PACSIN2: variants seen among roughly 807,000 people sequenced by gnomAD.
The protein encoded by PACSIN2 is protein kinase C and casein kinase substrate in neurons 2, also known as protein kinase C and casein kinase substrate in neurons protein 2.
PACSIN2 carries 25 observed loss-of-function variants against 63.8 expected under a neutral mutation model. The observed-to-expected ratio is 0.39, with a 90% CI of 0.29 to 0.55. The LOEUF is 0.55. Ranked by LOEUF, PACSIN2 falls within the 20% of genes least tolerant of loss-of-function variation. The probability of loss-of-function intolerance (pLI) is 0.62; values close to 1 mark genes in which losing one functional copy is unlikely to be tolerated. For missense variants in PACSIN2, 518 were observed against 646.9 expected, an observed-to-expected ratio of 0.80 and a Z score of 2.16; for synonymous variants, 255 against 256.2, an observed-to-expected ratio of 1.00 and a Z score of 0.05.
chr22:42,980,374 T>C (rs1921998388), intron 1 of PACSIN2, among the ~76,000 whole-genome samples: 1 of 152,036 alleles, frequency 6.6e-6, no homozygotes, highest in Non-Finnish European at 1.5e-5. Flanking sequence ...CACTAGCTTG[T>C]CATGGTCATT....
chr22:42,935,415 A>ACTTC (rs1932888908), intron 1 of PACSIN2, among the ~76,000 whole-genome samples: 2 of 152,106 alleles, frequency 1.3e-5, no homozygotes, highest in African/African-American at 4.8e-5. Flanking sequence ...ACATGTGCGG[A>ACTTC]GACCTACTGT....
intron 1 of PACSIN2, among the ~76,000 whole-genome samples, chr22:42,963,390 T>G (rs772323358): frequency 1.3e-5 from 2 of 152,184 alleles, no homozygotes; most frequent in Non-Finnish European, 2.9e-5. Flanking sequence ...TCAGGCCCCC[T>G]GCAGAGGCGG....
intron 1 of PACSIN2, among the ~76,000 whole-genome samples, chr22:42,941,415 A>G (rs1294322760): frequency 1.3e-5 from 2 of 152,242 alleles, no homozygotes. Flanking sequence ...ACCTAGGAGT[A>G]GAACTGCTGG....
At chr22:43,007,564 C>T (rs1329442383) in intron 1 of PACSIN2, among the ~76,000 whole-genome samples, 5 of 152,178 alleles carry the variant, frequency 3.3e-5, no homozygotes, top group Admixed American at 1.3e-4. Flanking sequence ...TGGTCCTTCA[C>T]GTCAGCCCCA....
chr22:42,970,793 G>A (rs992148036), intron 1 of PACSIN2, among the ~76,000 whole-genome samples: 5 of 152,188 alleles, frequency 3.3e-5, no homozygotes, highest in African/African-American at 9.7e-5. Flanking sequence ...GATGTCACCC[G>A]AGGTGCTCCA....
At chr22:42,945,523 G>T (rs1054055912) in intron 1 of PACSIN2, among the ~76,000 whole-genome samples, 1 of 151,958 alleles carries the variant, frequency 6.6e-6, no homozygotes, top group Admixed American at 6.6e-5. Flanking sequence ...CCTTCCCTAT[G>T]AGCCCACTCC....
At chr22:42,886,411 TGTATGTAG>T (rs1030477092) in intron 5 of PACSIN2, among the ~76,000 whole-genome samples, 44 of 133,030 alleles carry the variant, frequency 3.3e-4, no homozygotes, top group Admixed American at 1.0e-3. Context: ...AGCAATGGTA[TGTATGTAG>T]GTAGGTAGGT....
chr22:42,928,206 A>C (rs1932659060), intron 1 of PACSIN2, among the ~76,000 whole-genome samples: 1 of 152,252 alleles, frequency 6.6e-6, no homozygotes, highest in African/African-American at 2.4e-5. Context: ...GCATAGGAGG[A>C]AAATGGCCCA....
At chr22:42,973,522 T>C (rs1921474710) in intron 1 of PACSIN2, among the ~76,000 whole-genome samples, 1 of 152,284 alleles carries the variant, frequency 6.6e-6, no homozygotes, top group Non-Finnish European at 1.5e-5. Context: ...TTCAAATGTT[T>C]CATTCAATCA....
chr22:43,014,321 TACACACACACACAC>T (rs139728514), intron 1 of PACSIN2, among the ~76,000 whole-genome samples: 2 of 130,450 alleles, frequency 1.5e-5, no homozygotes, highest in Non-Finnish European at 3.3e-5. Context: ...CCCCCCGCCC[TACACACACACACAC>T]ACACACACAC....
At chr22:42,889,398 A>ACACACACACACACACACACACACACACT (rs778420398) in intron 4 of PACSIN2, among the ~76,000 whole-genome samples, 2 of 151,306 alleles carry the variant, frequency 1.3e-5, no homozygotes, top group Admixed American at 6.6e-5. Context: ...ACACACACAC[A>ACACACACACACACACACACACACACACT]CTCTTAACAG....
intron 1 of PACSIN2, among the ~76,000 whole-genome samples, chr22:42,919,947 A>G (rs988003772): frequency 6.6e-6 from 1 of 151,450 alleles, no homozygotes; most frequent in Non-Finnish European, 1.5e-5. Context: ...CTAAAAAAAA[A>G]AAAAAGAAAA....
intron 1 of PACSIN2, among the ~76,000 whole-genome samples, chr22:42,924,979 G>A (rs1255933737): frequency 6.6e-6 from 1 of 151,400 alleles, no homozygotes; most frequent in Non-Finnish European, 1.5e-5. Context: ...GGATGATCTC[G>A]ATCTCCTGAC....
At chr22:42,958,916 A>G (rs1934022236) in intron 1 of PACSIN2, among the ~76,000 whole-genome samples, 1 of 152,242 alleles carries the variant, frequency 6.6e-6, no homozygotes, top group Admixed American at 6.5e-5. Context: ...CACCACAGCA[A>G]TAAAGGGGAG....
chr22:42,895,591 C>T (rs1308511433), intron 2 of PACSIN2, among the ~76,000 whole-genome samples: 6 of 152,240 alleles, frequency 3.9e-5, no homozygotes, highest in Non-Finnish European at 7.3e-5. Context: ...CACCCATCGG[C>T]ACACACAGGA....
intron 10 of PACSIN2, among the ~76,000 whole-genome samples, chr22:42,873,030 A>G (rs1371166971): frequency 2.0e-5 from 3 of 152,288 alleles, no homozygotes; most frequent in East Asian, 1.9e-4. Context: ...CATGTGGCAA[A>G]CAGCCAGAAC....
intron 7 of PACSIN2, among the ~76,000 whole-genome samples, chr22:42,881,807 G>A (rs1341704010): frequency 2.0e-5 from 3 of 152,054 alleles, no homozygotes; most frequent in African/African-American, 7.2e-5. Flanking sequence ...CCACCGTGAG[G>A]GGAGCACTGT....
intron 1 of PACSIN2, among the ~76,000 whole-genome samples, chr22:42,952,419 G>T (rs1463788252): frequency 6.6e-6 from 1 of 151,864 alleles, no homozygotes; most frequent in African/African-American, 2.4e-5. Flanking sequence ...GCAGTGGCAT[G>T]ATCTTGGCTC....
At chr22:42,902,696 C>CTCTG (rs752425747) in intron 2 of PACSIN2, among the ~76,000 whole-genome samples, 2 of 152,218 alleles carry the variant, frequency 1.3e-5, no homozygotes, top group Non-Finnish European at 2.9e-5. Flanking sequence ...TCACCACAAC[C>CTCTG]TCTGCCTCCT....
Sources: gnomAD v4.1 joint callset for allele counts (sites outside exome capture counted in the v4.1 genomes callset) on GRCh38, gnomAD v4.1.1 for gene constraint, MANE v1.5 for transcripts, NCBI Gene and HGNC (gene_info 2026-07-23, HGNC 2026-07-21) for gene names.